The following MYO3B variants were observed in gnomAD, a reference collection of about 807,000 sequenced individuals.
MYO3B encodes myosin IIIB, also known as myosin-IIIb.
MYO3B carries 156 observed loss-of-function variants against 174.6 expected under a neutral mutation model. That is an observed-to-expected ratio of 0.89 (90% CI 0.78 to 1.02). MYO3B has a LOEUF of 1.02. MYO3B is among the 50% of genes least tolerant of loss of function. MYO3B has a pLI of 0.00. For synonymous variants in MYO3B, 563 were observed against 569.1 expected, an observed-to-expected ratio of 0.99 and a Z score of 0.15; for missense variants, 1,632 against 1,639.4, an observed-to-expected ratio of 1.00 and a Z score of 0.08.
intron 26 of MYO3B, 115 bp from the exon 27 acceptor site, chr2:170,499,531 G>C (rs988544124): frequency 2.1e-6 from 2 of 970,098 alleles, no homozygotes; most frequent in Non-Finnish European, 3.0e-6. Context: ...AAGTCACATC[G>C]CTATAAACTT....
chr2:170,509,540 A>G (rs143685263), intron 28 of MYO3B, among the ~76,000 whole-genome samples: 256 of 152,282 alleles, frequency 1.7e-3, no homozygotes, highest in African/African-American at 5.8e-3. Flanking sequence ...CAACAATAAC[A>G]TGTAAGAGAT....
At chr2:170,499,877 A>C in intron 27 of MYO3B, 69 bp downstream of exon 27, 78 of 1,465,196 alleles carry the variant, frequency 5.3e-5, no homozygotes, top group Non-Finnish European at 7.0e-5. Flanking sequence ...GGGAATACTC[A>C]ACTGTTTCTC....
At chr2:170,649,002 AAAT>A (rs1462589539) in intron 32 of MYO3B, among the ~76,000 whole-genome samples, 12 of 82,186 alleles carry the variant, frequency 1.5e-4, no homozygotes, top group African/African-American at 2.0e-4. Flanking sequence ...ATAATATATA[AAAT>A]AATATATAAT....
At chr2:170,489,679 G>C (rs867445652) in intron 25 of MYO3B, among the ~76,000 whole-genome samples, 1,972 of 141,792 alleles carry the variant, frequency 0.014, 38 homozygotes, top group African/African-American at 0.05. Context: ...CTGGGTAAGT[G>C]TGGGTAAGTG....
At chr2:170,593,102 A>AAG (rs550847703) in intron 32 of MYO3B, among the ~76,000 whole-genome samples, 47 of 151,554 alleles carry the variant, frequency 3.1e-4, no homozygotes, top group Non-Finnish European at 4.7e-4. Context: ...GATTTCTAGA[A>AAG]AGAGAGAGAG....
Position 170,323,401 on chromosome 2 carries a change from T to A in MYO3B, c.750-11984T>A, listed in dbSNP as rs142713846. On this transcript the variant is annotated intron_variant, in intron 7 of 34. Coordinates refer to ENST00000408978, the MANE Select transcript of MYO3B (RefSeq NM_138995.5). ...TGATAGGATGAACTGAAGAATAATA[T>A]GCTTGAGTTGATGCTTAAGTTGATA... is the stretch of plus-strand genomic sequence containing the variant. Among the ~76,000 whole-genome samples the A allele has an allele frequency of 2.8e-3, 419 of 152,324 alleles. 3 individuals carry two copies. The highest frequency in any genetic ancestry group is 9.5e-3 in the African/African-American group (395 of 41,574).
Position 170,346,872 on chromosome 2 carries a change from A to G in MYO3B, c.815+11422A>G, listed in dbSNP as rs982310998. ...ATGCTGTGTTAAGGAGGATTCTGAC[A>G]CTGCATCTAGGATAGAGCATCATGA... On this transcript the variant is annotated intron_variant, in intron 8 of 34. Transcript: ENST00000408978. Among the ~76,000 whole-genome samples, 12 of 152,212 alleles carry G rather than the reference A, an allele frequency of 7.9e-5. No homozygotes were observed. In the South Asian group the frequency reaches 1.2e-3, roughly 16 times the overall value.
At chr2:170,346,581 CATTTT>C (rs1558909911) in intron 8 of MYO3B, among the ~76,000 whole-genome samples, 1 of 152,070 alleles carries the variant, frequency 6.6e-6, no homozygotes, top group Non-Finnish European at 1.5e-5. Flanking sequence ...TTCTCTCTTT[CATTTT>C]ATTTTTTGTT....
chr2:170,401,645 A>C lies in MYO3B; in HGVS notation c.2083A>C (p.Ile695Leu). The change falls in exon 18 of 35, where the codon ATT becomes CTT. Residue 695 changes from isoleucine to leucine, a missense_variant. Coordinates refer to ENST00000408978, the MANE Select transcript of MYO3B (RefSeq NM_138995.5). ...CCTGTATGGGAGGCTCTTCAGCTGGATTGTGAATCGCATTAATACACTCCT... is the reference window on the plus strand; with the variant it reads ...CCTGTATGGGAGGCTCTTCAGCTGGCTTGTGAATCGCATTAATACACTCCT... The part of the protein sequence containing the change: ...KALYGRLFSW[I>L]VNRINTLLQP... 1 of 1,614,038 alleles carries C rather than the reference A, an allele frequency of 6.2e-7. No homozygotes were observed. Among genetic ancestry groups the C allele is most frequent in the Non-Finnish European group, 8.5e-7 (1 of 1,180,008 alleles).
At chr2:170,533,318 G>A (rs1475669478) in intron 30 of MYO3B, among the ~76,000 whole-genome samples, 1 of 151,338 alleles carries the variant, frequency 6.6e-6, no homozygotes, top group African/African-American at 2.4e-5. Context: ...AGTGCCATGT[G>A]TGTCATGCAC....
At chr2:170,598,285 G>C (rs1360511418) in intron 32 of MYO3B, among the ~76,000 whole-genome samples, 1 of 152,188 alleles carries the variant, frequency 6.6e-6, no homozygotes, top group Non-Finnish European at 1.5e-5. Flanking sequence ...AAGCAGCTCT[G>C]CCTGCTTCAG....
At chr2:170,623,069 T>A (rs1226086389) in intron 32 of MYO3B, among the ~76,000 whole-genome samples, 2 of 152,196 alleles carry the variant, frequency 1.3e-5, no homozygotes, top group African/African-American at 4.8e-5. Flanking sequence ...ATGATTTATA[T>A]TCCTTTGGGT....
At chr2:170,520,880 A>T (rs1471250910) in intron 30 of MYO3B, among the ~76,000 whole-genome samples, 1 of 152,124 alleles carries the variant, frequency 6.6e-6, no homozygotes, top group East Asian at 1.9e-4. Flanking sequence ...CCCATCATGT[A>T]TGTCACCAGG....
chr2:170,512,463 G>C (rs989903635), intron 28 of MYO3B, among the ~76,000 whole-genome samples: 1 of 152,140 alleles, frequency 6.6e-6, no homozygotes, highest in African/African-American at 2.4e-5. Flanking sequence ...TCATCCGTAT[G>C]AGCCTTCTCT....
In MYO3B at chr2:170,507,393, CTTTCTT is replaced by C. The variant is rs575552760; in HGVS notation, c.3370+5544_3370+5549del. 2.3e-3 allele frequency among the ~76,000 whole-genome samples: 343 copies of C among 151,646 alleles called. 1 individual carries two copies. The highest frequency in any genetic ancestry group is 7.8e-3 in the African/African-American group (322 of 41,384). ...TACTTGAGAAAGTGGGGCTTTCTTTCTTTCTTTTTCTTTTTCTTTTTTTTGAGATGG... is the reference window on the plus strand; with the variant it reads ...TACTTGAGAAAGTGGGGCTTTCTTTCTTTCTTTTTCTTTTTTTTGAGATGG... On this transcript the variant is annotated intron_variant, in intron 28 of 34. Coordinates refer to ENST00000408978, the MANE Select transcript of MYO3B (RefSeq NM_138995.5).
chr2:170,471,260 G>C (rs1240399768), intron 25 of MYO3B, among the ~76,000 whole-genome samples: 1 of 152,016 alleles, frequency 6.6e-6, no homozygotes, highest in Non-Finnish European at 1.5e-5. Context: ...ATGTTGGTCA[G>C]GGTGGTCTCG....
intron 32 of MYO3B, among the ~76,000 whole-genome samples, chr2:170,612,740 G>A (rs955918691): frequency 1.1e-4 from 17 of 152,318 alleles, no homozygotes; most frequent in African/African-American, 3.6e-4. Context: ...GCCTAGTGCA[G>A]GTATTGCATG....
At chr2:170,517,745 T>A (rs1320774076) in intron 29 of MYO3B, among the ~76,000 whole-genome samples, 1 of 152,178 alleles carries the variant, frequency 6.6e-6, no homozygotes, top group Non-Finnish European at 1.5e-5. Flanking sequence ...TTTATGTCAG[T>A]TCTTGCTTTT....
Position 170,653,369 on chromosome 2 carries a change from C to G in MYO3B, c.*248C>G. ...TCATCCCATGGGGCCCTGTGGGACA[C>G]TGAGAACACCTTTACAATAGTTTAA... On this transcript the variant is annotated 3_prime_UTR_variant, in exon 35 of 35. Coordinates refer to ENST00000408978, the MANE Select transcript of MYO3B (RefSeq NM_138995.5). 1 of 519,152 alleles carries G rather than the reference C, an allele frequency of 1.9e-6. No homozygotes were observed. Among genetic ancestry groups the G allele is most frequent in the Admixed American group, 3.2e-5 (1 of 31,648 alleles). 32.2% of individuals were successfully genotyped at this position (519,152 alleles called of 1,614,324 possible). A position where few individuals can be genotyped will look rare whatever the true frequency, so the allele number is the denominator to read the frequency against.
Sources: allele counts gnomAD v4.1 joint callset (sites outside exome capture counted in the v4.1 genomes callset), GRCh38; gene constraint gnomAD v4.1.1; transcripts MANE v1.5; gene names NCBI Gene and HGNC (gene_info 2026-07-23, HGNC 2026-07-21).